Variants in GSE1 observed in about 807,000 individuals in gnomAD.
The protein encoded by GSE1 is genetic suppressor element 1.
Under a neutral mutation model 112.6 loss-of-function variants are expected in GSE1, and 32 were observed. The observed-to-expected ratio is 0.28, with a 90% CI of 0.21 to 0.38. The LOEUF (loss-of-function observed/expected upper bound fraction) is 0.38, where lower values mean the gene tolerates loss of function less well. Among genes scored for constraint, GSE1 ranks in the 10% least tolerant of loss-of-function variants. The pLI is 1.00. For missense variants in GSE1, 2,348 were observed against 1,699.2 expected (o/e 1.38, Z -6.71); for synonymous variants, 1,115 against 735.6 (o/e 1.52, Z -8.35).
intron 1 of GSE1, among the ~76,000 whole-genome samples, chr16:85,355,485 G>T (rs879527910): frequency 3.9e-5 from 6 of 152,230 alleles, no homozygotes; most frequent in Non-Finnish European, 8.8e-5. Context: ...TTCCTGGAAA[G>T]GGGATGGGCC....
At chr16:85,510,516 T>C (rs1450943359) in intron 2 of GSE1, among the ~76,000 whole-genome samples, 1 of 152,092 alleles carries the variant, frequency 6.6e-6, no homozygotes, top group Non-Finnish European at 1.5e-5. Context: ...TGCCTGCAGC[T>C]GTGTGTGTGA....
At chr16:85,556,631 C>T (rs1333862093) in intron 1 of GSE1, among the ~76,000 whole-genome samples, 3 of 150,880 alleles carry the variant, frequency 2.0e-5, no homozygotes, top group Non-Finnish European at 3.0e-5. Context: ...TTTTGTCTGC[C>T]GGGAGCCGGC....
chr16:85,615,076 G>A (rs1208938151), intron 1 of GSE1, among the ~76,000 whole-genome samples: 2 of 152,240 alleles, frequency 1.3e-5, no homozygotes, highest in Admixed American at 1.3e-4. Context: ...CAGGTGAGCA[G>A]CCTTCCCTGG....
chr16:85,222,493 C>T (rs1040473363), intron 1 of GSE1, among the ~76,000 whole-genome samples: 2 of 152,226 alleles, frequency 1.3e-5, no homozygotes, highest in African/African-American at 4.8e-5. Context: ...TGACGGTTCA[C>T]ACCAGGCCAC....
intron 1 of GSE1, among the ~76,000 whole-genome samples, chr16:85,261,909 G>A (rs1024633528): frequency 1.3e-5 from 2 of 152,158 alleles, no homozygotes; most frequent in South Asian, 2.1e-4. Context: ...CTAAACCCTC[G>A]TGTGTATCCT....
intron 1 of GSE1, among the ~76,000 whole-genome samples, chr16:85,279,971 G>A (rs1302388073): frequency 1.3e-5 from 2 of 152,166 alleles, no homozygotes; most frequent in Non-Finnish European, 2.9e-5. Flanking sequence ...AAATTACTCA[G>A]TTCTCCCCAC....
intron 2 of GSE1, among the ~76,000 whole-genome samples, chr16:85,474,128 C>G (rs559336597): frequency 6.6e-6 from 1 of 152,190 alleles, no homozygotes; most frequent in East Asian, 1.9e-4. Flanking sequence ...GAGGCGGAAG[C>G]AGGGATGGCA....
intron 2 of GSE1, among the ~76,000 whole-genome samples, chr16:85,464,105 T>A (rs2050056853): frequency 6.6e-6 from 1 of 151,810 alleles, no homozygotes; most frequent in East Asian, 1.9e-4. Flanking sequence ...GCCTGGCCCC[T>A]CCTGGCTGCC....
At chr16:85,326,065 C>T (rs2326523) in intron 1 of GSE1, among the ~76,000 whole-genome samples, 129,766 of 152,162 alleles carry the variant, frequency 0.85, 55,585 homozygotes, top group East Asian at 1. Context: ...TTTAAAAATA[C>T]GTTCATATGA....
At chr16:85,410,033 GCCC>G (rs1167569222) in intron 2 of GSE1, among the ~76,000 whole-genome samples, 348 of 3,590 alleles carry the variant, frequency 0.097, no homozygotes, top group Non-Finnish European at 0.13. Context: ...TACACTCAGG[GCCC>G]CCCCCGGATA....
chr16:85,592,609 C>T (rs927958045), intron 1 of GSE1: 1 of 152,244 alleles, frequency 6.6e-6, no homozygotes, highest in African/African-American at 2.4e-5. Context: ...AGAAATTTCT[C>T]TCCAGCAGAA....
At chr16:85,241,184 C>T (rs1187563014) in intron 1 of GSE1, among the ~76,000 whole-genome samples, 7 of 147,456 alleles carry the variant, frequency 4.7e-5, no homozygotes, top group Non-Finnish European at 1.0e-4. Flanking sequence ...TGACCTTGGG[C>T]TCGGCTGCGA....
chr16:85,461,465 C>T (rs1484094622), intron 2 of GSE1, among the ~76,000 whole-genome samples: 1 of 150,696 alleles, frequency 6.6e-6, no homozygotes, highest in African/African-American at 2.5e-5. Context: ...TGGGTCCATG[C>T]CCAGAGGTGT....
intron 1 of GSE1, among the ~76,000 whole-genome samples, chr16:85,281,262 G>A (rs1161211524): frequency 6.6e-6 from 1 of 152,020 alleles, no homozygotes; most frequent in African/African-American, 2.4e-5. Flanking sequence ...ATTAGCTGGG[G>A]ACACAAGAGG....
intron 1 of GSE1, among the ~76,000 whole-genome samples, chr16:85,582,733 C>T (rs2046504874): frequency 6.6e-6 from 1 of 152,110 alleles, no homozygotes; most frequent in Non-Finnish European, 1.5e-5. Flanking sequence ...ACGGGGCCAT[C>T]CTGCACAACC....
intron 8 of GSE1, among the ~76,000 whole-genome samples, chr16:85,658,631 C>G (rs1381601293): frequency 6.6e-6 from 1 of 152,218 alleles, no homozygotes; most frequent in Non-Finnish European, 1.5e-5. Flanking sequence ...GCTAAGTCTC[C>G]CTGTGGCTCA....
intron 1 of GSE1, among the ~76,000 whole-genome samples, chr16:85,242,314 T>C (rs1038015287): frequency 1.3e-5 from 2 of 151,974 alleles, no homozygotes; most frequent in Non-Finnish European, 2.9e-5. Context: ...GCCCTCGGGG[T>C]CTGTCCCTGC....
chr16:85,478,912 T>C (rs1471363880), intron 2 of GSE1, among the ~76,000 whole-genome samples: 8 of 64,334 alleles, frequency 1.2e-4, no homozygotes, highest in African/African-American at 5.3e-4. Context: ...TCTTTCTTTC[T>C]TTCTTTCTTT....
At chr16:85,640,897 G>T (rs2050389851) in intron 2 of GSE1, among the ~76,000 whole-genome samples, 1 of 151,920 alleles carries the variant, frequency 6.6e-6, no homozygotes, top group Non-Finnish European at 1.5e-5. Context: ...CGTTCTCCTG[G>T]CCCGGGGGCC....
Sources: gnomAD v4.1 joint callset for allele counts (sites outside exome capture counted in the v4.1 genomes callset) on GRCh38, gnomAD v4.1.1 for gene constraint, MANE v1.5 for transcripts, NCBI Gene and HGNC (gene_info 2026-07-23, HGNC 2026-07-21) for gene names.